The following BICC1 variants were observed in gnomAD, a reference collection of about 807,000 sequenced individuals.
BICC1 encodes BicC family RNA binding protein 1.
BICC1 carries 43 observed loss-of-function variants against 111.0 expected under a neutral mutation model. That is an observed-to-expected ratio of 0.39 (90% confidence interval 0.30 to 0.50). BICC1 has a LOEUF of 0.50. Ranked by LOEUF, BICC1 falls within the 20% of genes least tolerant of loss-of-function variation. The pLI, the probability that BICC1 is intolerant of heterozygous loss-of-function variation, is 0.88. For missense variants in BICC1, 1,091 were observed against 1,203.2 expected, an observed-to-expected ratio of 0.91 and a Z score of 1.38; for synonymous variants, 467 against 434.4, an observed-to-expected ratio of 1.07 and a Z score of -0.93.
chr10:58,603,035 A>AT (rs985993394), intron 1 of BICC1, among the ~76,000 whole-genome samples: 3 of 152,174 alleles, frequency 2.0e-5, no homozygotes, highest in African/African-American at 7.2e-5. Context: ...CTCAAAAGGC[A>AT]TTTAATAGAT....
chr10:58,807,693 G>A (rs1231285376), intron 17 of BICC1, among the ~76,000 whole-genome samples: 4 of 152,150 alleles, frequency 2.6e-5, no homozygotes, highest in Non-Finnish European at 5.9e-5. Flanking sequence ...GTGAGACTGG[G>A]AAGCTGGCAT....
chr10:58,780,671 C>T (rs1485544386), intron 3 of BICC1, among the ~76,000 whole-genome samples: 1 of 152,090 alleles, frequency 6.6e-6, no homozygotes, highest in African/African-American at 2.4e-5. Flanking sequence ...AAAATATTCA[C>T]TAATGTTTCC....
intron 3 of BICC1, among the ~76,000 whole-genome samples, chr10:58,754,406 T>C (rs1224452366): frequency 6.6e-6 from 1 of 152,216 alleles, no homozygotes; most frequent in Non-Finnish European, 1.5e-5. Context: ...AACTGGATAA[T>C]CCAAAAGTTG....
intron 2 of BICC1, among the ~76,000 whole-genome samples, chr10:58,681,643 T>C (rs10826218): frequency 0.98 from 148,742 of 152,216 alleles, 72,794 homozygotes; most frequent in Middle Eastern, 1. Flanking sequence ...TCAGTGTGCC[T>C]GGAATTGGTT....
intron 3 of BICC1, among the ~76,000 whole-genome samples, chr10:58,719,593 G>A (rs1434554666): frequency 3.3e-5 from 5 of 151,988 alleles, no homozygotes; most frequent in Admixed American, 6.5e-5. Flanking sequence ...TGCAAGCTCC[G>A]CCTCATTTGG....
intron 1 of BICC1, among the ~76,000 whole-genome samples, chr10:58,596,744 G>A (rs1358026912): frequency 6.6e-6 from 1 of 152,148 alleles, no homozygotes; most frequent in East Asian, 1.9e-4. Context: ...AAAATCACAA[G>A]CATTCCTATA....
chr10:58,649,132 C>T (rs1384998219), intron 2 of BICC1, among the ~76,000 whole-genome samples: 2 of 152,076 alleles, frequency 1.3e-5, no homozygotes, highest in African/African-American at 4.8e-5. Context: ...ATGGGTAGGC[C>T]CCATAAAGGC....
intron 2 of BICC1, among the ~76,000 whole-genome samples, chr10:58,674,040 T>C (rs1280925549): frequency 6.6e-6 from 1 of 152,232 alleles, no homozygotes; most frequent in African/African-American, 2.4e-5. Context: ...GTCTGAATAA[T>C]GGTTTTGAAA....
intron 3 of BICC1, among the ~76,000 whole-genome samples, chr10:58,777,516 G>A (rs1218902500): frequency 6.6e-6 from 1 of 152,104 alleles, no homozygotes; most frequent in Admixed American, 6.5e-5. Flanking sequence ...ACCTTGGTAT[G>A]TGAATGGACC....
chr10:58,802,738 C>CTATATCATATGCAGT (rs1843588092), intron 14 of BICC1, among the ~76,000 whole-genome samples: 1 of 152,166 alleles, frequency 6.6e-6, no homozygotes, highest in Non-Finnish European at 1.5e-5. Context: ...TCTATTCCAC[C>CTATATCATATGCAGT]TATATCATAT....
chr10:58,612,492 G>A (rs1307615298), intron 1 of BICC1, among the ~76,000 whole-genome samples: 1 of 151,724 alleles, frequency 6.6e-6, no homozygotes, highest in East Asian at 1.9e-4. Context: ...TTTAAATTTT[G>A]TGTAAAATAT....
chr10:58,796,406 G>A lies in BICC1; in HGVS notation c.1246G>A (p.Gly416Arg). The A allele has an allele frequency of 1.9e-6, 3 of 1,614,040 alleles. No homozygotes were observed. The highest frequency in any genetic ancestry group is 1.7e-6 in the Non-Finnish European group (2 of 1,179,994). ...GTATGAAGCAAGGAAATGTCTCCTCGGACTTGAAAGCAGTGGGGTTACCAT... is the reference window on the plus strand; with the variant it reads ...GTATGAAGCAAGGAAATGTCTCCTCAGACTTGAAAGCAGTGGGGTTACCAT... ...NMYEARKCLL[G>R]LESSGVTIAT... Residue 416 changes from glycine (G) to arginine (R), a missense_variant, in exon 10 of 21, where the codon GGA becomes AGA. Physicochemically the swap from Gly to Arg is moderately radical, Grantham distance 125. This residue lies in a region of BICC1 where 843 missense variants were observed against 900.8 expected (regional missense o/e 0.94). Transcript: ENST00000373886.
intron 1 of BICC1, among the ~76,000 whole-genome samples, chr10:58,524,670 A>G (rs1171631590): frequency 6.6e-6 from 1 of 151,960 alleles, no homozygotes; most frequent in East Asian, 1.9e-4. Context: ...TCATGTCTAA[A>G]ACACCAAAAG....
intron 1 of BICC1, among the ~76,000 whole-genome samples, chr10:58,536,891 T>C (rs1171749358): frequency 6.6e-6 from 1 of 151,634 alleles, no homozygotes; most frequent in African/African-American, 2.4e-5. Flanking sequence ...ACCTCAGAAA[T>C]ATAAAAGACT....
At chr10:58,758,460 A>G (rs1564596873) in intron 3 of BICC1, among the ~76,000 whole-genome samples, 2 of 152,228 alleles carry the variant, frequency 1.3e-5, no homozygotes, top group Non-Finnish European at 2.9e-5. Context: ...GACATTCACT[A>G]AGAAAGGAAT....
intron 1 of BICC1, among the ~76,000 whole-genome samples, chr10:58,520,667 G>A (rs1241199986): frequency 6.6e-6 from 1 of 152,094 alleles, no homozygotes; most frequent in African/African-American, 2.4e-5. Context: ...CTCTTATATA[G>A]AAAGGTGATT....
intron 1 of BICC1, among the ~76,000 whole-genome samples, chr10:58,566,717 C>T (rs572355073): frequency 2.0e-5 from 3 of 152,112 alleles, no homozygotes; most frequent in Admixed American, 6.6e-5. Context: ...AAGGTTGTAT[C>T]GCATCATGGT....
chr10:58,738,882 CTCTG>C (rs1323480535), intron 3 of BICC1, among the ~76,000 whole-genome samples: 5 of 151,360 alleles, frequency 3.3e-5, no homozygotes, highest in African/African-American at 7.3e-5. Flanking sequence ...TGATTTGGCT[CTCTG>C]TCTGTTATTG....
chr10:58,699,605 T>C (rs1225698625), intron 2 of BICC1, among the ~76,000 whole-genome samples: 1 of 152,174 alleles, frequency 6.6e-6, no homozygotes, highest in Non-Finnish European at 1.5e-5. Flanking sequence ...AACTGCATTA[T>C]TTAATTCAGA....
Sources: gnomAD v4.1 joint callset for allele counts (sites outside exome capture counted in the v4.1 genomes callset) on GRCh38, gnomAD v4.1.1 for gene constraint, gnomAD v4.1.1 regional missense constraint, MANE v1.5 for transcripts, NCBI Gene and HGNC (gene_info 2026-07-23, HGNC 2026-07-21) for gene names.